The following NEDD4L variants were observed in gnomAD, a reference collection of about 807,000 sequenced individuals.
NEDD4L encodes NEDD4 like E3 ubiquitin protein ligase.
A neutral mutation model predicts 148.9 loss-of-function variants in NEDD4L; 54 were observed. The observed-to-expected ratio is 0.36, with a 90% CI of 0.29 to 0.45. NEDD4L has a LOEUF of 0.45. NEDD4L is among the 20% of genes least tolerant of loss of function. NEDD4L has a pLI of 1.00. For synonymous variants in NEDD4L, 433 were observed against 440.7 expected, an observed-to-expected ratio of 0.98 and a Z score of 0.22; for missense variants, 856 against 1,233.8, an observed-to-expected ratio of 0.69 and a Z score of 4.59.
intron 13 of NEDD4L, among the ~76,000 whole-genome samples, chr18:58,340,040 T>G (rs1408847827): frequency 6.6e-6 from 1 of 152,222 alleles, no homozygotes; most frequent in Non-Finnish European, 1.5e-5. Context: ...TACCTTTAGA[T>G]TCCCCTAGGA....
chr18:58,052,047 G>A (rs961813297), intron 1 of NEDD4L, among the ~76,000 whole-genome samples: 1 of 152,062 alleles, frequency 6.6e-6, no homozygotes, highest in African/African-American at 2.4e-5. Context: ...GGAAATGATA[G>A]CATAATTTAG....
chr18:58,054,641 TCTC>T (rs2082017073), intron 1 of NEDD4L: 1 of 155,350 alleles, frequency 6.4e-6, no homozygotes, highest in Non-Finnish European at 1.4e-5. Flanking sequence ...CACTTTGTAT[TCTC>T]CTCCTTGCTC....
chr18:58,081,213 T>C (rs1022857733), intron 1 of NEDD4L, among the ~76,000 whole-genome samples: 5 of 104,528 alleles, frequency 4.8e-5, no homozygotes, highest in Non-Finnish European at 8.5e-5. Context: ...AACACCACCC[T>C]TTTTTTTTTT....
intron 1 of NEDD4L, among the ~76,000 whole-genome samples, chr18:58,146,592 G>A (rs924917390): frequency 5.4e-4 from 82 of 152,264 alleles, no homozygotes; most frequent in African/African-American, 1.8e-3. Flanking sequence ...AAAAAGTGCC[G>A]GAGAACCTGT....
chr18:58,087,063 A>C (rs888582779), intron 1 of NEDD4L, among the ~76,000 whole-genome samples: 9 of 152,330 alleles, frequency 5.9e-5, no homozygotes, highest in Admixed American at 5.9e-4. Flanking sequence ...GAGACTGCTG[A>C]AGGACAACAC....
intron 22 of NEDD4L, 25 bp downstream of exon 22, chr18:58,367,892 G>C (rs2046325443): frequency 6.2e-7 from 1 of 1,613,192 alleles, no homozygotes; most frequent in Non-Finnish European, 8.5e-7. Flanking sequence ...AATAAAAATA[G>C]GTCAGTGCTG....
At position 58,373,206 on chromosome 18, in the gene NEDD4L, C is replaced by T. The variant is rs753022619; in HGVS notation, c.2289C>T (p.Ile763=). The change falls in exon 24 of 31, where the codon ATC becomes ATT. Residue 763 remains isoleucine, a synonymous_variant. Coordinates refer to ENST00000400345, the MANE Select transcript of NEDD4L (RefSeq NM_001144967.3). ...DSEYYNSLKW[I]LENDPTELDL... is the part of the protein sequence containing the mutation. ...AATATTACAACTCTTTGAAATGGAT[C>T]CTGGAGAATGACCCTACTGAGCTGG... 2.3e-5 allele frequency: 37 copies of T among 1,574,952 alleles called. No homozygotes were observed. Among genetic ancestry groups the T allele is most frequent in the Non-Finnish European group, 3.1e-5 (36 of 1,157,346 alleles).
At chr18:58,147,066 G>A (rs1361373250) in intron 1 of NEDD4L, among the ~76,000 whole-genome samples, 3 of 152,180 alleles carry the variant, frequency 2.0e-5, no homozygotes, top group Non-Finnish European at 2.9e-5. Flanking sequence ...GCCTGATGAT[G>A]GCAGATTTCT....
chr18:58,302,809 A>T (rs544218708), intron 5 of NEDD4L, among the ~76,000 whole-genome samples: 53 of 152,312 alleles, frequency 3.5e-4, no homozygotes, highest in Non-Finnish European at 6.8e-4. Flanking sequence ...AACAGTACCC[A>T]AGGCTCCATG....
At chr18:58,078,236 C>G (rs532934535) in intron 1 of NEDD4L, among the ~76,000 whole-genome samples, 1 of 152,112 alleles carries the variant, frequency 6.6e-6, no homozygotes. Context: ...AAGCTGATTT[C>G]TAAAAGCTTG....
chr18:58,202,807 T>C (rs151161192), intron 2 of NEDD4L, among the ~76,000 whole-genome samples: 93 of 152,330 alleles, frequency 6.1e-4, no homozygotes, highest in Middle Eastern at 3.4e-3. Context: ...CCTAGCTTTA[T>C]TTATTTTCTC....
chr18:58,044,868 G>A (rs1336522277), intron 1 of NEDD4L, among the ~76,000 whole-genome samples, 160 bp downstream of exon 1: 1 of 152,174 alleles, frequency 6.6e-6, no homozygotes, highest in Non-Finnish European at 1.5e-5. Flanking sequence ...GGGAGCTTGG[G>A]TCCTTCCGCA....
intron 1 of NEDD4L, among the ~76,000 whole-genome samples, chr18:58,100,223 C>T (rs1599269106): frequency 6.6e-6 from 1 of 152,100 alleles, no homozygotes; most frequent in South Asian, 2.1e-4. Flanking sequence ...GTGAGGAGGA[C>T]CACTTCCTTG....
chr18:58,374,591 C>T (rs990715454), intron 24 of NEDD4L, among the ~76,000 whole-genome samples: 2 of 152,148 alleles, frequency 1.3e-5, no homozygotes, highest in South Asian at 4.2e-4. Flanking sequence ...AGCTGCTGCC[C>T]CTCTGGTCTC....
intron 1 of NEDD4L, among the ~76,000 whole-genome samples, chr18:58,076,785 G>T (rs1229226774): frequency 1.3e-5 from 2 of 151,434 alleles, no homozygotes; most frequent in Non-Finnish European, 2.9e-5. Context: ...AAAAGGTAAA[G>T]AATGTACAGT....
rs370301115 is a variant in NEDD4L, at chr18:58,115,609, G to T, written c.49-50179G>T. Reference sequence around the variant, plus strand: ...GAACCTGGTCTGAATTGAGAATGGGGATTGAGGATTTTTGGACTTTTGAAA... The same window carrying T: ...GAACCTGGTCTGAATTGAGAATGGGTATTGAGGATTTTTGGACTTTTGAAA... On this transcript the variant is annotated intron_variant, in intron 1 of 30. Coordinates refer to ENST00000400345, the MANE Select transcript of NEDD4L (RefSeq NM_001144967.3). Among the ~76,000 whole-genome samples, 4 of 152,132 alleles carry T rather than the reference G, an allele frequency of 2.6e-5. No individual in the cohort carries two copies. The South Asian group carries it at 6.2e-4, about 24-fold the overall frequency.
chr18:58,063,634 C>T (rs563787575), intron 1 of NEDD4L, among the ~76,000 whole-genome samples: 14 of 148,914 alleles, frequency 9.4e-5, no homozygotes, highest in South Asian at 4.3e-4. Flanking sequence ...GGTGCGATCT[C>T]GGCTCACTGT....
chr18:58,081,182 A>G (rs1053645710), intron 1 of NEDD4L, among the ~76,000 whole-genome samples: 9 of 149,550 alleles, frequency 6.0e-5, no homozygotes, highest in Non-Finnish European at 4.4e-5. Flanking sequence ...TTAGACAACT[A>G]GCTTCCAAAT....
At chr18:58,379,335 G>A (rs2048017799) in intron 24 of NEDD4L, among the ~76,000 whole-genome samples, 1 of 152,260 alleles carries the variant, frequency 6.6e-6, no homozygotes, top group South Asian at 2.1e-4. Flanking sequence ...GCGCAGGGCA[G>A]AGAGCAGCCC....
Sources: gnomAD v4.1 joint callset for allele counts (sites outside exome capture counted in the v4.1 genomes callset) on GRCh38, gnomAD v4.1.1 for gene constraint, MANE v1.5 for transcripts, NCBI Gene and HGNC (gene_info 2026-07-23, HGNC 2026-07-21) for gene names.